The following PDE2A variants were observed in gnomAD, a reference collection of about 807,000 sequenced individuals.
The protein encoded by PDE2A is phosphodiesterase 2A.
In PDE2A, 53 loss-of-function variants were observed where a neutral mutation model predicts 133.6. The ratio of observed to expected loss-of-function variants is 0.40; its 90% CI spans 0.32 to 0.50. The LOEUF (loss-of-function observed/expected upper bound fraction) is 0.50. Ranked by LOEUF, PDE2A falls within the 20% of genes least tolerant of loss-of-function variation. The pLI is 0.73. For missense variants in PDE2A, 796 were observed against 1,232.4 expected (o/e 0.65, Z 5.30); for synonymous variants, 491 against 490.2 (o/e 1.00, Z -0.02).
At chr11:72,587,123 C>A (rs572493701) in intron 13 of PDE2A, among the ~76,000 whole-genome samples, 10 of 152,320 alleles carry the variant, frequency 6.6e-5, no homozygotes, top group African/African-American at 2.4e-4. Flanking sequence ...GCCTAGAATA[C>A]CCTTCTCACT....
intron 1 of PDE2A, among the ~76,000 whole-genome samples, chr11:72,661,429 G>T (rs1855058551): frequency 6.6e-6 from 1 of 151,812 alleles, no homozygotes; most frequent in Non-Finnish European, 1.5e-5. Context: ...GGGGTTTTTT[G>T]GCCCTAATCA....
chr11:72,624,920 C>T (rs988808624), intron 2 of PDE2A, among the ~76,000 whole-genome samples: 6 of 152,232 alleles, frequency 3.9e-5, no homozygotes, highest in African/African-American at 9.6e-5. Context: ...TGCAGAACGC[C>T]CCCTGTCCCA....
At chr11:72,603,752 C>T (rs554693148) in intron 4 of PDE2A, among the ~76,000 whole-genome samples, 36 of 152,296 alleles carry the variant, frequency 2.4e-4, no homozygotes, top group African/African-American at 7.9e-4. Context: ...GTGGTAATGG[C>T]TTTGTTCCCA....
At chr11:72,595,925 G>T (rs1328778822) in intron 6 of PDE2A, among the ~76,000 whole-genome samples, 1 of 152,096 alleles carries the variant, frequency 6.6e-6, no homozygotes, top group Non-Finnish European at 1.5e-5. Context: ...GCTTGTCTGG[G>T]TTCTGGGGCT....
At chr11:72,610,098 T>G (rs931913547) in intron 2 of PDE2A, among the ~76,000 whole-genome samples, 1 of 152,014 alleles carries the variant, frequency 6.6e-6, no homozygotes, top group Non-Finnish European at 1.5e-5. Context: ...GAAACCAAGT[T>G]TTGCATGTGA....
chr11:72,634,840 C>T (rs1858599947), intron 2 of PDE2A, among the ~76,000 whole-genome samples: 1 of 152,242 alleles, frequency 6.6e-6, no homozygotes, highest in South Asian at 2.1e-4. Context: ...TCAGCCTATA[C>T]TGAGAGGGTG....
At chr11:72,579,051 C>G in intron 27 of PDE2A, 42 bp from the exon 28 acceptor site, 1 of 1,426,146 alleles carries the variant, frequency 7.0e-7, no homozygotes, top group Non-Finnish European at 9.9e-7. Flanking sequence ...GGCCCAGCCT[C>G]TTTGCCCTTC....
rs75151383 is a variant in PDE2A, at chr11:72,632,936, G to C, written c.144+9318C>G. 5.5e-3 allele frequency among the ~76,000 whole-genome samples: 831 copies of C among 152,268 alleles called. 5 individuals are homozygous for C. The highest frequency in any genetic ancestry group is 0.019 in the African/African-American group (792 of 41,536). Reference sequence around the variant, plus strand: ...GTGTGGGGAAAGTGCCTAGGATGAGGGGATTCTTAGCTAGGTATTCCCAGC... The same window carrying C: ...GTGTGGGGAAAGTGCCTAGGATGAGCGGATTCTTAGCTAGGTATTCCCAGC... On this transcript the variant is annotated intron_variant, in intron 2 of 30. Coordinates refer to ENST00000334456, the MANE Select transcript of PDE2A (RefSeq NM_002599.5).
rs76211727 is a variant in PDE2A at position 72,616,378 on chromosome 11, G to A, written c.145-7627C>T. The stretch of plus-strand genomic sequence containing the variant: ...CATCAATGCAGTGCCACCCTTTCCC[G>A]TCTGGCTCCCACAACAGACTGGGAG... On this transcript the variant is annotated intron_variant, in intron 2 of 30. Transcript: ENST00000334456. Among the ~76,000 whole-genome samples, 357 of 152,226 alleles carry A rather than the reference G, an allele frequency of 2.3e-3. 2 individuals carry two copies. Among genetic ancestry groups the A allele is most frequent in the East Asian group, 8.7e-3 (45 of 5,168 alleles).
intron 1 of PDE2A, among the ~76,000 whole-genome samples, chr11:72,654,962 G>GGTAGT: frequency 6.6e-6 from 1 of 152,044 alleles, no homozygotes; most frequent in East Asian, 1.9e-4. Flanking sequence ...AGGGCGGGAT[G>GGTAGT]GTAGCAGCAG....
In PDE2A at chr11:72,580,612, C is replaced by T; in HGVS notation, c.2146G>A (p.Ala716Thr). 1 of 1,566,792 alleles carries T rather than the reference C, an allele frequency of 6.4e-7. No homozygotes were observed. Among genetic ancestry groups the T allele is most frequent in the African/African-American group, 1.3e-5 (1 of 74,550 alleles). ...GAGCCCTCAGAGCTGTAGAGCGCAG[C>T]CAGCACAGATTTCTGGAAAAGCCCA... ...SFQVASKSVL[A>T]ALYSSEGSVM... Residue 716 changes from alanine to threonine, a missense_variant, in exon 25 of 31, where the codon GCT becomes ACT. By Grantham distance (58) the Ala-to-Thr change is moderately conservative (BLOSUM62 0). This residue lies in a region of PDE2A where 218 missense variants were observed against 465.9 expected (regional missense o/e 0.47). Transcript: ENST00000334456.
intron 1 of PDE2A, chr11:72,643,344 G>A (rs183052435): frequency 2.0e-5 from 3 of 152,474 alleles, no homozygotes; most frequent in Admixed American, 2.0e-4. Context: ...GCATGAAAGC[G>A]GTTGGGGCGG....
intron 6 of PDE2A, among the ~76,000 whole-genome samples, chr11:72,591,890 C>G (rs552473514): frequency 2.6e-5 from 4 of 152,362 alleles, no homozygotes; most frequent in Non-Finnish European, 5.9e-5. Flanking sequence ...ATTCTCACCA[C>G]TGTGATGCAA....
At position 72,596,573 on chromosome 11, in the gene PDE2A, C is replaced by A. The variant is rs769402442; in HGVS notation, c.489+20G>T. On this transcript the variant is annotated intron_variant, in intron 6 of 30. Coordinates refer to ENST00000334456, the MANE Select transcript of PDE2A (RefSeq NM_002599.5). ...CATGGTCTCCTCTCCCTACATCCCA[C>A]CGCCTAGGCAGGCTCTTACCAAGAT... 2 of 1,446,456 alleles carry A rather than the reference C, an allele frequency of 1.4e-6. No homozygotes were observed. Among genetic ancestry groups the A allele is most frequent in the Non-Finnish European group, 1.8e-6 (2 of 1,086,714 alleles). The allele number at this position is 1,446,456 out of a possible 1,614,324, so 89.6% of individuals were successfully genotyped here.
intron 6 of PDE2A, 51 bp downstream of exon 6, chr11:72,596,542 C>A: frequency 9.0e-7 from 1 of 1,112,204 alleles, no homozygotes. Flanking sequence ...ATCCACCACT[C>A]CCTCCCATGG....
chr11:72,636,764 C>A (rs1403892669), intron 2 of PDE2A, among the ~76,000 whole-genome samples: 1 of 152,184 alleles, frequency 6.6e-6, no homozygotes, highest in Non-Finnish European at 1.5e-5. Flanking sequence ...CTGTCCAGGC[C>A]TCATCACCCC....
At chr11:72,591,730 C>T (rs995355517) in intron 6 of PDE2A, among the ~76,000 whole-genome samples, 1 of 152,220 alleles carries the variant, frequency 6.6e-6, no homozygotes, top group Non-Finnish European at 1.5e-5. Flanking sequence ...CTCAGCCTCC[C>T]GGCTCTATCC....
rs1197350642 is a variant in PDE2A at position 72,674,149 on chromosome 11, C to T, written c.59G>A (p.Arg20Gln). 6.8e-6 allele frequency: 11 copies of T among 1,613,128 alleles called. No homozygotes were observed. Among genetic ancestry groups the T allele is most frequent in the East Asian group, 2.2e-5 (1 of 44,886 alleles). Residue 20 changes from arginine (R) to glutamine (Q), a missense_variant, in exon 1 of 31, where the codon CGA becomes CAA. Transcript: ENST00000334456. ...LCRSQQYPAARPAEPRGQQVF... is the reference protein window; with the variant it reads ...LCRSQQYPAAQPAEPRGQQVF... Reference sequence around the variant, plus strand: ...TCACTATACTCACGGCTCAGCCGGTCGCGCTGCCGGGTACTGCTGGCTCCT... The same window carrying T: ...TCACTATACTCACGGCTCAGCCGGTTGCGCTGCCGGGTACTGCTGGCTCCT...
At position 72,642,335 on chromosome 11, in the gene PDE2A, T is replaced by C; in HGVS notation, c.72-9A>G. 2.0e-6 allele frequency: 3 copies of C among 1,537,788 alleles called. No homozygotes were observed. The highest frequency in any genetic ancestry group is 1.7e-6 in the Non-Finnish European group (2 of 1,144,890). ...AGACCTGCTGGCCCCGCCTGAGGAA[T>C]TGGACAACAGCGATGAGGATGTGGT... is the stretch of plus-strand genomic sequence containing the variant. On this transcript the variant is annotated splice_polypyrimidine_tract_variant and intron_variant, in intron 1 of 30. Coordinates refer to ENST00000334456, the MANE Select transcript of PDE2A (RefSeq NM_002599.5).
Sources: gnomAD v4.1 joint callset for allele counts (sites outside exome capture counted in the v4.1 genomes callset) on GRCh38, gnomAD v4.1.1 for gene constraint, gnomAD v4.1.1 regional missense constraint, MANE v1.5 for transcripts, NCBI Gene and HGNC (gene_info 2026-07-23, HGNC 2026-07-21) for gene names.